The following TNS1 variants were observed in gnomAD, a reference collection of about 807,000 sequenced individuals.
TNS1 encodes the protein tensin 1.
Under a neutral mutation model 168.6 loss-of-function variants are expected in TNS1, and 62 were observed. That is an observed-to-expected ratio of 0.37 (90% CI 0.30 to 0.45). The LOEUF (loss-of-function observed/expected upper bound fraction) is 0.45, where lower values mean the gene tolerates loss of function less well. TNS1 is among the 20% of genes least tolerant of loss of function. The pLI is 1.00. For synonymous variants in TNS1, 934 were observed against 933.2 expected, an observed-to-expected ratio of 1.00 and a Z score of -0.02; for missense variants, 2,240 against 2,339.4, an observed-to-expected ratio of 0.96 and a Z score of 0.88.
chr2:218,028,400 T>A (rs556235629), intron 1 of TNS1, among the ~76,000 whole-genome samples: 2 of 152,338 alleles, frequency 1.3e-5, no homozygotes, highest in African/African-American at 4.8e-5. Flanking sequence ...ACTTGCCCTA[T>A]CTGCATTCTC....
chr2:217,905,213 C>A, intron 6 of TNS1: 1 of 274,162 alleles, frequency 3.6e-6, no homozygotes, highest in Non-Finnish European at 7.5e-6. Flanking sequence ...TCCCCCTGCA[C>A]CCCAGTCCCA....
intron 6 of TNS1, among the ~76,000 whole-genome samples, chr2:217,903,413 T>C (rs1211072391): frequency 2.0e-5 from 3 of 152,158 alleles, no homozygotes; most frequent in African/African-American, 7.2e-5. Flanking sequence ...TACAGGACTT[T>C]ACAAACCTTA....
rs1167011697 is a variant in TNS1 at position 217,992,979 on chromosome 2, C to A, written c.34-1923G>T. On this transcript the variant is annotated intron_variant, in intron 1 of 32. Coordinates refer to ENST00000682258, the MANE Select transcript of TNS1 (RefSeq NM_001387777.1). ...ACAGTGGTCCCATAAACTTATGATA[C>A]TGTATTTTTAGTGTCCCTTTTCTAC... 2.0e-5 allele frequency among the ~76,000 whole-genome samples: 3 copies of A among 152,162 alleles called. No homozygotes were observed. In the South Asian group the frequency reaches 6.2e-4, roughly 32 times the overall value.
At chr2:217,983,485 G>A (rs1391529314) in intron 2 of TNS1, among the ~76,000 whole-genome samples, 1 of 152,140 alleles carries the variant, frequency 6.6e-6, no homozygotes. Context: ...AGTGGGAAGG[G>A]ACCCTTAGAT....
chr2:217,951,511 A>G (rs1158275678), intron 3 of TNS1, among the ~76,000 whole-genome samples: 5 of 152,178 alleles, frequency 3.3e-5, no homozygotes. Flanking sequence ...CAGAGACATC[A>G]GCTATGTTTG....
intron 2 of TNS1, among the ~76,000 whole-genome samples, chr2:217,990,199 C>T (rs1222912304): frequency 6.6e-6 from 1 of 151,376 alleles, no homozygotes; most frequent in East Asian, 1.9e-4. Context: ...CATCCACACA[C>T]CATCCACACA....
rs1460551677 is a variant in TNS1, at chr2:217,800,839, A to ACACTCACCACC, written c.*3609_*3619dup. 2 of 152,190 alleles carry ACACTCACCACC rather than the reference A, an allele frequency of 1.3e-5. No homozygotes were observed. Among genetic ancestry groups the ACACTCACCACC allele is most frequent in the African/African-American group, 2.4e-5 (1 of 41,436 alleles). The allele number at this position is 152,190 out of a possible 1,614,324, so 9.4% of individuals were successfully genotyped here. A position where few individuals can be genotyped will look rare whatever the true frequency, so the allele number is the denominator to read the frequency against. ...AGTGGGAGTGAGACTAGATTTGATC[A>ACACTCACCACC]CACTCACCACCCTTCTGTGCCCCCT... is the stretch of plus-strand genomic sequence containing the variant. On this transcript the variant is annotated 3_prime_UTR_variant, in exon 33 of 33. Transcript: ENST00000682258.
At chr2:217,907,080 C>T in intron 5 of TNS1, 130 bp downstream of exon 5, 1 of 642,864 alleles carries the variant, frequency 1.6e-6, no homozygotes, top group Non-Finnish European at 2.9e-6. Flanking sequence ...TGCAAGTTCC[C>T]CAAATCTACT....
At chr2:218,024,655 G>C (rs1044701726) in intron 1 of TNS1, among the ~76,000 whole-genome samples, 1 of 152,146 alleles carries the variant, frequency 6.6e-6, no homozygotes, top group African/African-American at 2.4e-5. Context: ...ACATCAGCCA[G>C]CCCAGGCCAG....
At position 217,803,925 on chromosome 2, in the gene TNS1, G is replaced by T. The variant is rs143831912; in HGVS notation, c.*534C>A. 6.4e-6 allele frequency: 1 copy of T among 155,060 alleles called. No homozygotes were observed. Among genetic ancestry groups the T allele is most frequent in the East Asian group, 1.9e-4 (1 of 5,210 alleles). The allele number at this position is 155,060 out of a possible 1,614,324, so 9.6% of individuals were successfully genotyped here. ...GAGGCACAGCAAAGAGACCTGAGGT[G>T]CCTTGGGTCTGAGATACTTTCAAGC... On this transcript the variant is annotated 3_prime_UTR_variant, in exon 33 of 33. Transcript: ENST00000682258.
rs373576792 is a variant in TNS1 at position 217,818,447 on chromosome 2, A to G, written c.3885T>C (p.Pro1295=). Residue 1295 remains proline, a synonymous_variant, in exon 24 of 33, where the codon CCT becomes CCC. Transcript: ENST00000682258. ...RHRTVGTNTP[P]SPGFGWRAIN... is the part of the protein sequence containing the mutation. ...TGGCCCGCCAGCCGAAGCCAGGACTAGGGGGAGTGTTGGTGCCCACTGTTC... is the reference window on the plus strand; with the variant it reads ...TGGCCCGCCAGCCGAAGCCAGGACTGGGGGGAGTGTTGGTGCCCACTGTTC... The G allele has an allele frequency of 6.2e-7, 1 of 1,614,108 alleles. No homozygotes were observed. Among genetic ancestry groups the G allele is most frequent in the Non-Finnish European group, 8.5e-7 (1 of 1,179,986 alleles).
In TNS1 at chr2:217,831,421, GC is replaced by G. The variant is rs1012381305; in HGVS notation, c.3373+33del. The G allele has an allele frequency of 6.5e-6, 10 of 1,527,360 alleles. No homozygotes were observed. The East Asian group carries it at 7.6e-5, about 12-fold the overall frequency. 94.6% of individuals were successfully genotyped at this position (1,527,360 alleles called of 1,614,324 possible). A position where few individuals can be genotyped will look rare whatever the true frequency, so the allele number is the denominator to read the frequency against. On this transcript the variant is annotated intron_variant, in intron 22 of 32. Coordinates refer to ENST00000682258, the MANE Select transcript of TNS1 (RefSeq NM_001387777.1). ...AACCACAGGAGTCCTCCTCCCCCTG[GC>G]CCCCCTCCCCATCTTCCCTCTTCCC...
chr2:217,802,116 G>T lies in TNS1; in HGVS notation c.*2343C>A, dbSNP rs2125005876. 6.6e-6 allele frequency: 1 copy of T among 152,350 alleles called. No homozygotes were observed. Among genetic ancestry groups the T allele is most frequent in the Non-Finnish European group, 1.5e-5 (1 of 68,036 alleles). The allele number at this position is 152,350 out of a possible 1,614,324, so 9.4% of individuals were successfully genotyped here. On this transcript the variant is annotated 3_prime_UTR_variant, in exon 33 of 33. Coordinates refer to ENST00000682258, the MANE Select transcript of TNS1 (RefSeq NM_001387777.1). ...GAATAGGCTCCTGGGCTCTCCAGTG[G>T]GAGATGAGATATTTACAAAGGAAGG...
Position 217,919,363 on chromosome 2 carries a change from C to T in TNS1, c.228+832G>A, listed in dbSNP as rs543738347. On this transcript the variant is annotated intron_variant, in intron 4 of 32. Transcript: ENST00000682258. ...CAGGCTCCTGCCGACATTAGTACTG[C>T]CACAGGCAACTCCACAGCCTGATCC... 2.6e-5 allele frequency among the ~76,000 whole-genome samples: 4 copies of T among 152,362 alleles called. No individual in the cohort carries two copies. In the East Asian group the frequency reaches 7.7e-4, roughly 29 times the overall value.
chr2:217,897,954 G>A lies in TNS1; in HGVS notation c.387C>T (p.Ser129=). ...HLQPIRNMSV[S]RTMEDSCELD... is the part of the protein sequence containing the mutation. The stretch of plus-strand genomic sequence containing the variant: ...GCTCACAGCTGTCCTCCATGGTCCG[G>A]CTCACACTCATGTTTCTAGGGAGAC... Residue 129 remains serine (S), a synonymous_variant, in exon 8 of 33, where the codon AGC becomes AGT. Transcript: ENST00000682258. The A allele has an allele frequency of 1.2e-6, 2 of 1,606,948 alleles. No homozygotes were observed. The highest frequency in any genetic ancestry group is 1.7e-6 in the Non-Finnish European group (2 of 1,176,862).
At position 217,836,422 on chromosome 2, in the gene TNS1, T is replaced by C. The variant is rs576912580; in HGVS notation, c.3008-211A>G. Among the ~76,000 whole-genome samples, 327 of 152,200 alleles carry C rather than the reference T, an allele frequency of 2.1e-3. 7 individuals are homozygous for C. The highest frequency in any genetic ancestry group is 1.2e-3 in the Non-Finnish European group (83 of 68,016). On this transcript the variant is annotated intron_variant, in intron 19 of 32. Coordinates refer to ENST00000682258, the MANE Select transcript of TNS1 (RefSeq NM_001387777.1). ...CTGCAGGAGAGGGGATCTGCTTAGA[T>C]TGGCTCAGACTTCACCAGGAATCTC...
At chr2:218,028,580 G>A (rs1958868240) in intron 1 of TNS1, among the ~76,000 whole-genome samples, 1 of 152,152 alleles carries the variant, frequency 6.6e-6, no homozygotes, top group African/African-American at 2.4e-5. Flanking sequence ...TGGGCTTACT[G>A]GGGAGGCACA....
At chr2:217,808,776 G>T in intron 30 of TNS1, 105 bp from the exon 31 acceptor site, 1 of 1,019,294 alleles carries the variant, frequency 9.8e-7, no homozygotes, top group Non-Finnish European at 1.5e-6. Flanking sequence ...TGTGGCTATC[G>T]CAGGTCCACA....
rs1052863020 is a variant in TNS1, at chr2:217,986,770, C to A, written c.148+4172G>T. Reference sequence around the variant, plus strand: ...ACACACACACACACACACGCACGCACGCACGTACCTGTGTCAGCTTTGGTA... The same window carrying A: ...ACACACACACACACACACGCACGCAAGCACGTACCTGTGTCAGCTTTGGTA... On this transcript the variant is annotated intron_variant, in intron 2 of 32. Transcript: ENST00000682258. The surrounding 1 kb of genome is among the most constrained non-coding windows in gnomAD (Gnocchi z 4.7). The A allele has an allele frequency of 6.6e-6, 1 of 152,214 alleles. No homozygotes were observed. The highest frequency in any genetic ancestry group is 2.4e-5 in the African/African-American group (1 of 41,326). The allele number at this position is 152,214 out of a possible 1,614,324, so 9.4% of individuals were successfully genotyped here.
Sources: gnomAD v4.1 joint callset for allele counts (sites outside exome capture counted in the v4.1 genomes callset) on GRCh38, gnomAD v4.1.1 for gene constraint, Gnocchi (gnomAD v3.1) non-coding constraint, MANE v1.5 for transcripts, NCBI Gene and HGNC (gene_info 2026-07-23, HGNC 2026-07-21) for gene names.